RGS7: variants seen among roughly 807,000 people sequenced by gnomAD.
The protein encoded by RGS7 is regulator of G-protein signaling 7.
A neutral mutation model predicts 81.1 loss-of-function variants in RGS7; 27 were observed. The ratio of observed to expected loss-of-function variants is 0.33; its 90% CI spans 0.25 to 0.46. The LOEUF (loss-of-function observed/expected upper bound fraction) is 0.46, where lower values mean the gene tolerates loss of function less well. Among genes scored for constraint, RGS7 ranks in the 20% least tolerant of loss-of-function variants. RGS7 has a pLI of 1.00. For missense variants in RGS7, 396 were observed against 607.4 expected (o/e 0.65, Z 3.66); for synonymous variants, 208 against 207.7 (o/e 1.00, Z -0.01).
At position 241,189,456 on chromosome 1, in the gene RGS7, G is replaced by A. The variant is rs184589689; in HGVS notation, c.79-90694C>T. On this transcript the variant is annotated intron_variant, in intron 2 of 18. Transcript: ENST00000440928. ...ATGGGGTTTACCATTATTTTCTTCCGGTCTCTAGCTTGGCTTTTCATCCTT... is the reference window on the plus strand; with the variant it reads ...ATGGGGTTTACCATTATTTTCTTCCAGTCTCTAGCTTGGCTTTTCATCCTT... Among the ~76,000 whole-genome samples the A allele has an allele frequency of 1.2e-3, 179 of 152,126 alleles. 1 individual carries two copies. Among genetic ancestry groups the A allele is most frequent in the East Asian group, 4.3e-3 (22 of 5,164 alleles).
At chr1:241,108,115 C>A (rs1056899837) in intron 2 of RGS7, among the ~76,000 whole-genome samples, 1 of 151,156 alleles carries the variant, frequency 6.6e-6, no homozygotes, top group African/African-American at 2.4e-5. Flanking sequence ...GAAAGCTTGG[C>A]CAACATGGTG....
chr1:241,347,178 G>A (rs2082949055), intron 2 of RGS7, among the ~76,000 whole-genome samples: 1 of 152,150 alleles, frequency 6.6e-6, no homozygotes, highest in South Asian at 2.1e-4. Flanking sequence ...GTAAATGGAG[G>A]AAATCATGTC....
intron 9 of RGS7, among the ~76,000 whole-genome samples, chr1:240,858,751 A>AT (rs1381030553): frequency 1.3e-5 from 2 of 152,046 alleles, no homozygotes; most frequent in East Asian, 1.9e-4. Flanking sequence ...TGGATATATG[A>AT]TTTTTTTCTT....
rs115427612 is a variant in RGS7, at chr1:241,313,827, G to T, written c.78+41872C>A. Among the ~76,000 whole-genome samples, 875 of 152,308 alleles carry T rather than the reference G, an allele frequency of 5.7e-3. 5 individuals carry two copies. The highest frequency in any genetic ancestry group is 0.019 in the African/African-American group (807 of 41,568). Reference sequence around the variant, plus strand: ...AGAGGTCAAAATAACAATATTAACAGAAGTTTGCATGAAGTTGATTCCAAC... The same window carrying T: ...AGAGGTCAAAATAACAATATTAACATAAGTTTGCATGAAGTTGATTCCAAC... On this transcript the variant is annotated intron_variant, in intron 2 of 18. Transcript: ENST00000440928.
At position 240,925,777 on chromosome 1, in the gene RGS7, T is replaced by C. The variant is rs553465718; in HGVS notation, c.385+4940A>G. Among the ~76,000 whole-genome samples the C allele has an allele frequency of 2.0e-5, 3 of 152,328 alleles. No homozygotes were observed. In the East Asian group the frequency reaches 5.8e-4, roughly 29 times the overall value. ...AAACATTCTGTTTTCTCCATAGCCT[T>C]GTCAGAATTTGTTATTTATTGATTT... On this transcript the variant is annotated intron_variant, in intron 6 of 18. Transcript: ENST00000440928.
At chr1:241,133,476 A>G (rs2067270167) in intron 2 of RGS7, among the ~76,000 whole-genome samples, 1 of 152,052 alleles carries the variant, frequency 6.6e-6, no homozygotes, top group African/African-American at 2.4e-5. Context: ...AACTAAAGAG[A>G]TAGGTTGATA....
intron 2 of RGS7, among the ~76,000 whole-genome samples, chr1:241,261,004 A>G (rs915884336): frequency 5.9e-5 from 9 of 151,874 alleles, no homozygotes; most frequent in African/African-American, 1.7e-4. Flanking sequence ...GCACACCAGC[A>G]TGGCACATGT....
At chr1:241,076,915 A>G (rs937305970) in intron 3 of RGS7, among the ~76,000 whole-genome samples, 5 of 152,208 alleles carry the variant, frequency 3.3e-5, no homozygotes, top group Admixed American at 6.5e-5. Flanking sequence ...CTTTGTGTCA[A>G]TCATTCCCCA....
chr1:240,964,158 G>A (rs1181887570), intron 4 of RGS7, among the ~76,000 whole-genome samples: 3 of 152,228 alleles, frequency 2.0e-5, no homozygotes, highest in Non-Finnish European at 4.4e-5. Context: ...AAAGCAGAGC[G>A]AGTTAAAACA....
chr1:241,054,302 T>C (rs1270649281), intron 3 of RGS7, among the ~76,000 whole-genome samples: 2 of 152,162 alleles, frequency 1.3e-5, no homozygotes, highest in African/African-American at 4.8e-5. Context: ...AGAGATGGCT[T>C]TGTCCAAAAT....
At chr1:240,867,680 C>T (rs575310084) in intron 9 of RGS7, among the ~76,000 whole-genome samples, 72 of 152,244 alleles carry the variant, frequency 4.7e-4, no homozygotes, top group Admixed American at 9.8e-4. Flanking sequence ...AAGTCAACAA[C>T]CAAAGCAGGC....
At chr1:240,877,356 A>G (rs1288335397) in intron 6 of RGS7, among the ~76,000 whole-genome samples, 5 of 150,576 alleles carry the variant, frequency 3.3e-5, no homozygotes, top group Non-Finnish European at 5.9e-5. Flanking sequence ...TATAAAGTAA[A>G]AAATCATTAT....
chr1:241,026,748 T>C (rs1468667883), intron 3 of RGS7, among the ~76,000 whole-genome samples: 2 of 152,078 alleles, frequency 1.3e-5, no homozygotes, highest in African/African-American at 4.8e-5. Flanking sequence ...AAAATCATTC[T>C]AGATATTGTT....
At chr1:240,807,008 G>C (rs1485086257) in intron 14 of RGS7, among the ~76,000 whole-genome samples, 1 of 152,146 alleles carries the variant, frequency 6.6e-6, no homozygotes, top group Non-Finnish European at 1.5e-5. Flanking sequence ...CTTTCACATG[G>C]AATTATTTGA....
At chr1:240,851,365 A>G (rs1175199208) in intron 9 of RGS7, among the ~76,000 whole-genome samples, 2 of 152,218 alleles carry the variant, frequency 1.3e-5, no homozygotes, top group Non-Finnish European at 2.9e-5. Flanking sequence ...TTTAAAGCCC[A>G]GTGTTGAGAC....
intron 2 of RGS7, among the ~76,000 whole-genome samples, chr1:241,203,863 A>G (rs1281642258): frequency 6.6e-6 from 1 of 152,214 alleles, no homozygotes; most frequent in Non-Finnish European, 1.5e-5. Context: ...GGATTTTACA[A>G]TTTTCATATC....
chr1:241,334,155 GA>G (rs2082117462), intron 2 of RGS7, among the ~76,000 whole-genome samples: 1 of 152,006 alleles, frequency 6.6e-6, no homozygotes, highest in Non-Finnish European at 1.5e-5. Flanking sequence ...CTCTACCTAG[GA>G]TAAACAGATA....
At chr1:241,250,106 G>T (rs2076756458) in intron 2 of RGS7, among the ~76,000 whole-genome samples, 2 of 152,096 alleles carry the variant, frequency 1.3e-5, no homozygotes, top group Admixed American at 1.3e-4. Context: ...CTTTTTACAG[G>T]ATGGGGAAAG....
chr1:241,259,667 A>AAAAAAAAAAAAATAT, intron 2 of RGS7, among the ~76,000 whole-genome samples: 36 of 49,140 alleles, frequency 7.3e-4, no homozygotes, highest in Admixed American at 2.3e-3. Flanking sequence ...AAAAAAAAAA[A>AAAAAAAAAAAAATAT]ATATATATAT....
Sources: allele counts gnomAD v4.1 joint callset (sites outside exome capture counted in the v4.1 genomes callset), GRCh38; gene constraint gnomAD v4.1.1; transcripts MANE v1.5; gene names NCBI Gene and HGNC (gene_info 2026-07-23, HGNC 2026-07-21).